Variants in D2HGDH observed in about 807,000 individuals in gnomAD.
D2HGDH encodes D-2-hydroxyglutarate dehydrogenase, also known as D-2-hydroxyglutarate dehydrogenase, mitochondrial.
Under a neutral mutation model 46.9 loss-of-function variants are expected in D2HGDH, and 31 were observed. That is an observed-to-expected ratio of 0.66 (90% CI 0.50 to 0.89). The LOEUF (loss-of-function observed/expected upper bound fraction) is 0.89. Among genes scored for constraint, D2HGDH ranks in the 40% least tolerant of loss-of-function variants. D2HGDH has a pLI of 0.00. For missense variants in D2HGDH, 698 were observed against 720.8 expected (o/e 0.97, Z 0.36); for synonymous variants, 364 against 332.6 (o/e 1.09, Z -1.03).
Position 241,755,723 on chromosome 2 carries a change from C to T in D2HGDH, c.1141-126C>T, listed in dbSNP as rs142211845. 1.4e-4 allele frequency: 216 copies of T among 1,582,304 alleles called. No individual in the cohort carries two copies. The East Asian group carries it at 3.2e-3, about 23-fold the overall frequency. Reference sequence around the variant, plus strand: ...CACCTGGTCTGGGGCATTTGCTGTCCGGGGTCGGAGCCTCACCTGGTGAAG... The same window carrying T: ...CACCTGGTCTGGGGCATTTGCTGTCTGGGGTCGGAGCCTCACCTGGTGAAG... On this transcript the variant is annotated intron_variant, in intron 8 of 9. Coordinates refer to ENST00000321264, the MANE Select transcript of D2HGDH (RefSeq NM_152783.5).
chr2:241,752,875 A>C (rs1575296636), intron 8 of D2HGDH, among the ~76,000 whole-genome samples: 1 of 32,468 alleles, frequency 3.1e-5, no homozygotes. Flanking sequence ...ACCAGCCCCC[A>C]TGCCACCCCC....
chr2:241,768,072 A>C lies in D2HGDH; in HGVS notation c.*103A>C. On this transcript the variant is annotated 3_prime_UTR_variant, in exon 10 of 10. Coordinates refer to ENST00000321264, the MANE Select transcript of D2HGDH (RefSeq NM_152783.5). ...GGGATGAGCCGGCAGTGGGCAGGGGACCAGGCACCTGGTTGAAGGGACTGG... is the reference window on the plus strand; with the variant it reads ...GGGATGAGCCGGCAGTGGGCAGGGGCCCAGGCACCTGGTTGAAGGGACTGG... 3 of 1,445,538 alleles carry C rather than the reference A, an allele frequency of 2.1e-6. No individual in the cohort carries two copies. Among genetic ancestry groups the C allele is most frequent in the Non-Finnish European group, 2.8e-6 (3 of 1,089,922 alleles). 89.5% of individuals were successfully genotyped at this position (1,445,538 alleles called of 1,614,324 possible).
rs924674890 is a variant in D2HGDH at position 241,744,980 on chromosome 2, C to G, written c.853+103C>G. On this transcript the variant is annotated intron_variant, in intron 6 of 9. Transcript: ENST00000321264. ...AGGAAGGGGATGGAGGGACCCCCCG[C>G]CAAGGACAGTCGGTTCCCGTGTCTC... is the stretch of plus-strand genomic sequence containing the variant. 26 of 1,483,818 alleles carry G rather than the reference C, an allele frequency of 1.8e-5. No homozygotes were observed. The East Asian group carries it at 2.5e-4, about 14-fold the overall frequency. 91.9% of individuals were successfully genotyped at this position (1,483,818 alleles called of 1,614,324 possible). A position where few individuals can be genotyped will look rare whatever the true frequency, so the allele number is the denominator to read the frequency against.
At position 241,767,724 on chromosome 2, in the gene D2HGDH, C is replaced by T. The variant is rs1398541320; in HGVS notation, c.1321C>T (p.His441Tyr). Residue 441 changes from histidine to tyrosine, a missense_variant, in exon 10 of 10, where the codon CAC becomes TAC. By Grantham distance (83) the His-to-Tyr change is moderately conservative. Transcript: ENST00000321264. ...GYGHLGDGNL[H>Y]LNVTAEAFSP... ...TGTCCCTCCAGGAGATGGTAACCTG[C>T]ACCTCAATGTGACGGCGGAGGCCTT... The T allele has an allele frequency of 4.3e-6, 7 of 1,612,930 alleles. No homozygotes were observed. The highest frequency in any genetic ancestry group is 5.1e-6 in the Non-Finnish European group (6 of 1,179,562).
chr2:241,745,559 A>C (rs1030140066), intron 6 of D2HGDH, among the ~76,000 whole-genome samples: 1 of 152,176 alleles, frequency 6.6e-6, no homozygotes, highest in Admixed American at 6.5e-5. Context: ...GAGGATGCTG[A>C]GACTCCGCAT....
At chr2:241,735,653 C>A in intron 2 of D2HGDH, 137 bp downstream of exon 2, 1 of 1,189,446 alleles carries the variant, frequency 8.4e-7, no homozygotes, top group Non-Finnish European at 1.2e-6. Flanking sequence ...GCGTGTGCAC[C>A]GCCACAGGCT....
chr2:241,755,526 C>T, intron 8 of D2HGDH: 1 of 1,373,782 alleles, frequency 7.3e-7, no homozygotes, highest in Non-Finnish European at 9.7e-7. Context: ...TGTGAGGTGT[C>T]CCAGCCGCCT....
At chr2:241,749,338 C>G in intron 6 of D2HGDH, 1 of 1,288,452 alleles carries the variant, frequency 7.8e-7, no homozygotes, top group Non-Finnish European at 1.0e-6. Flanking sequence ...GACCTTCTCT[C>G]TGGAAAATTC....
Position 241,743,778 on chromosome 2 carries a change from A to G in D2HGDH, c.647A>G (p.Tyr216Cys). Reference sequence around the variant, plus strand: ...GCTGGAGGCCTGCGGTTTCTTCGATATGGCTCACTGCATGGGACTGTCCTG... The same window carrying G: ...GCTGGAGGCCTGCGGTTTCTTCGATGTGGCTCACTGCATGGGACTGTCCTG... ...TNAGGLRFLR[Y>C]GSLHGTVLGL... Residue 216 changes from tyrosine (Y) to cysteine (C), a missense_variant, in exon 5 of 10, where the codon TAT becomes TGT. Transcript: ENST00000321264. The surrounding 1 kb of genome is among the most constrained non-coding windows in gnomAD (Gnocchi z 4.8). 5 of 1,609,324 alleles carry G rather than the reference A, an allele frequency of 3.1e-6. No homozygotes were observed. Among genetic ancestry groups the G allele is most frequent in the Non-Finnish European group, 3.4e-6 (4 of 1,178,222 alleles).
rs887957309 is a variant in D2HGDH, at chr2:241,743,896, G to A, written c.684+81G>A. 1.1e-5 allele frequency: 17 copies of A among 1,500,138 alleles called. No homozygotes were observed. The African/African-American group carries it at 2.2e-4, about 20-fold the overall frequency. 92.9% of individuals were successfully genotyped at this position (1,500,138 alleles called of 1,614,324 possible). ...TCTCATGGGCCCACGTGGTGGCACA[G>A]GTGCATGGGGCCCCTCGGGGTGGGA... On this transcript the variant is annotated intron_variant, in intron 5 of 9. Transcript: ENST00000321264. This position sits in a 1 kb window ranked among gnomAD's most constrained non-coding sequence, Gnocchi z 4.8.
chr2:241,763,260 C>T (rs1467931061), intron 9 of D2HGDH, among the ~76,000 whole-genome samples: 2 of 152,206 alleles, frequency 1.3e-5, no homozygotes, highest in African/African-American at 4.8e-5. Context: ...ATGGGACAGC[C>T]TCTTCCACAC....
At chr2:241,762,922 C>T (rs950686020) in intron 9 of D2HGDH, among the ~76,000 whole-genome samples, 5 of 152,080 alleles carry the variant, frequency 3.3e-5, no homozygotes, top group Non-Finnish European at 5.9e-5. Flanking sequence ...TGACCTTAGC[C>T]GTGGTGGTTT....
Position 241,767,732 on chromosome 2 carries a change from T to C in D2HGDH, c.1329T>C (p.Asn443=). 1.9e-6 allele frequency: 3 copies of C among 1,612,866 alleles called. No homozygotes were observed. The highest frequency in any genetic ancestry group is 2.5e-6 in the Non-Finnish European group (3 of 1,179,548). The change falls in exon 10 of 10, where the codon AAT becomes AAC. Residue 443 remains asparagine, a synonymous_variant. Transcript: ENST00000321264. Reference sequence around the variant, plus strand: ...CAGGAGATGGTAACCTGCACCTCAATGTGACGGCGGAGGCCTTCAGCCCCT... The same window carrying C: ...CAGGAGATGGTAACCTGCACCTCAACGTGACGGCGGAGGCCTTCAGCCCCT... ...GHLGDGNLHL[N]VTAEAFSPSL... is the part of the protein sequence containing the mutation.
chr2:241,764,206 C>A lies in D2HGDH; in HGVS notation c.1307-3504C>A, dbSNP rs1037104142. 1.3e-5 allele frequency among the ~76,000 whole-genome samples: 2 copies of A among 149,046 alleles called. 1 individual carries two copies. Reference sequence around the variant, plus strand: ...GGGAGGGGCGGGGACTGGGGGGCGACGGGGACTGTGGGAGGGGTCCCTGCT... The same window carrying A: ...GGGAGGGGCGGGGACTGGGGGGCGAAGGGGACTGTGGGAGGGGTCCCTGCT... On this transcript the variant is annotated intron_variant, in intron 9 of 9. Coordinates refer to ENST00000321264, the MANE Select transcript of D2HGDH (RefSeq NM_152783.5).
At chr2:241,747,115 T>A (rs893081833) in intron 6 of D2HGDH, among the ~76,000 whole-genome samples, 3 of 151,816 alleles carry the variant, frequency 2.0e-5, no homozygotes, top group Non-Finnish European at 2.9e-5. Flanking sequence ...TTAAAAAAAA[T>A]TTTGTATGTA....
At chr2:241,748,702 C>A in intron 6 of D2HGDH, 1 of 608,162 alleles carries the variant, frequency 1.6e-6, no homozygotes. Flanking sequence ...CCGCCCTCCA[C>A]CTTCAGCCCC....
chr2:241,744,627 G>A (rs953128707), intron 5 of D2HGDH, 82 bp from the exon 6 acceptor site: 13 of 1,548,428 alleles, frequency 8.4e-6, no homozygotes, highest in Non-Finnish European at 1.1e-5. Context: ...GGCTGCTGCA[G>A]AAGTGACACC....
chr2:241,741,212 T>C (rs1399579788), intron 3 of D2HGDH, 122 bp downstream of exon 3: 6 of 873,438 alleles, frequency 6.9e-6, no homozygotes, highest in Non-Finnish European at 1.1e-5. Context: ...TTGGTTTGTG[T>C]GTCTCAGTGT....
At chr2:241,739,827 A>G (rs1693952301) in intron 2 of D2HGDH, among the ~76,000 whole-genome samples, 1 of 152,240 alleles carries the variant, frequency 6.6e-6, no homozygotes, top group Non-Finnish European at 1.5e-5. Flanking sequence ...GTGAGAGCGA[A>G]GGGAAAGCCC....
Sources: gnomAD v4.1 joint callset for allele counts (sites outside exome capture counted in the v4.1 genomes callset) on GRCh38, gnomAD v4.1.1 for gene constraint, Gnocchi (gnomAD v3.1) non-coding constraint, MANE v1.5 for transcripts, NCBI Gene and HGNC (gene_info 2026-07-23, HGNC 2026-07-21) for gene names.